The following EVL variants were observed in gnomAD, a reference collection of about 807,000 sequenced individuals.
EVL encodes Enah/Vasp-like.
A neutral mutation model predicts 59.6 loss-of-function variants in EVL; 21 were observed. The observed-to-expected ratio is 0.35, with a 90% CI of 0.25 to 0.51. The LOEUF is 0.51. EVL is among the 20% of genes least tolerant of loss of function. The probability of loss-of-function intolerance (pLI) is 0.97; values close to 1 mark genes in which losing one functional copy is unlikely to be tolerated. For synonymous variants in EVL, 198 were observed against 203.5 expected, an observed-to-expected ratio of 0.97 and a Z score of 0.23; for missense variants, 462 against 546.6, an observed-to-expected ratio of 0.85 and a Z score of 1.54.
intron 1 of EVL, among the ~76,000 whole-genome samples, chr14:100,028,134 G>GTTTGTT (rs1406304631): frequency 4.2e-5 from 5 of 118,724 alleles, no homozygotes; most frequent in Admixed American, 8.3e-5. Context: ...TTGTTTGTTT[G>GTTTGTT]TTTTTTTTTT....
At chr14:100,123,208 G>C (rs1887809139) in intron 3 of EVL, among the ~76,000 whole-genome samples, 1 of 152,234 alleles carries the variant, frequency 6.6e-6, no homozygotes, top group Non-Finnish European at 1.5e-5. Context: ...GGTTGAGGGG[G>C]TGGTGGCCAG....
At chr14:100,123,688 C>T in intron 4 of EVL, 86 bp downstream of exon 4, 1 of 1,413,326 alleles carries the variant, frequency 7.1e-7, no homozygotes, top group Non-Finnish European at 9.9e-7. Flanking sequence ...GAGGATGCAC[C>T]AGCAGCCAAG....
Position 100,108,257 on chromosome 14 carries a change from T to TG in EVL, c.358+10600dup, listed in dbSNP as rs1381893903. Among the ~76,000 whole-genome samples the TG allele has an allele frequency of 2.0e-5, 3 of 152,066 alleles. No homozygotes were observed. The highest frequency in any genetic ancestry group is 7.2e-5 in the African/African-American group (3 of 41,398). On this transcript the variant is annotated intron_variant, in intron 3 of 13. Transcript: ENST00000392920. The surrounding 1 kb of genome is among the most constrained non-coding windows in gnomAD (Gnocchi z 4.1). ...TGCTCTTTGGAGGGGAGTGGAAGGTTGTTAAACCTCATAGCTCTTGGAGGT... is the reference window on the plus strand; with the variant it reads ...TGCTCTTTGGAGGGGAGTGGAAGGTTGGTTAAACCTCATAGCTCTTGGAGGT...
intron 1 of EVL, among the ~76,000 whole-genome samples, chr14:100,059,025 G>C (rs1248078158): frequency 6.6e-6 from 1 of 152,156 alleles, no homozygotes; most frequent in East Asian, 1.9e-4. Context: ...TCTTAGGCTA[G>C]CATCTTCAGA....
Position 100,127,696 on chromosome 14 carries a change from G to A in EVL, c.488-823G>A, listed in dbSNP as rs951953386. Among the ~76,000 whole-genome samples, 3 of 152,164 alleles carry A rather than the reference G, an allele frequency of 2.0e-5. No individual in the cohort carries two copies. The highest frequency in any genetic ancestry group is 4.8e-5 in the African/African-American group (2 of 41,510). On this transcript the variant is annotated intron_variant, in intron 5 of 13. Coordinates refer to ENST00000392920, the MANE Select transcript of EVL (RefSeq NM_016337.3). The surrounding 1 kb of genome is among the most constrained non-coding windows in gnomAD (Gnocchi z 4.2). Reference sequence around the variant, plus strand: ...CTAACTGAACCCCTGCTCTCCGGTCGTGTCCCAGCTCCACAGTCACTTCCG... The same window carrying A: ...CTAACTGAACCCCTGCTCTCCGGTCATGTCCCAGCTCCACAGTCACTTCCG...
At chr14:100,124,490 C>T (rs911177409) in intron 4 of EVL, among the ~76,000 whole-genome samples, 1 of 152,218 alleles carries the variant, frequency 6.6e-6, no homozygotes, top group Non-Finnish European at 1.5e-5. Context: ...ATGGTGTTGG[C>T]TTTGCTCCCC....
chr14:100,060,430 CAA>C (rs58767352), upstream of EVL, among the ~76,000 whole-genome samples: 3 of 63,610 alleles, frequency 4.7e-5, no homozygotes, highest in South Asian at 5.4e-4. Context: ...GACTCCGTCT[CAA>C]AAAAAAAAAA....
At chr14:99,990,707 CTATATA>C (rs199591511) in intron 1 of EVL, among the ~76,000 whole-genome samples, 2 of 151,768 alleles carry the variant, frequency 1.3e-5, no homozygotes, top group East Asian at 1.9e-4. Context: ...ATATTATACT[CTATATA>C]TATATAGAGA....
intron 1 of EVL, among the ~76,000 whole-genome samples, chr14:99,979,302 C>G (rs985422559): frequency 1.6e-4 from 25 of 151,804 alleles, no homozygotes; most frequent in African/African-American, 5.8e-4. Context: ...CTTATATATT[C>G]GAGTCATTTA....
chr14:100,107,005 C>T, intron 3 of EVL: 2 of 398,718 alleles, frequency 5.0e-6, no homozygotes, highest in South Asian at 2.5e-4. Context: ...AGCCGGGCTA[C>T]GTTGGGTCTG....
intron 8 of EVL, 86 bp downstream of exon 8, chr14:100,132,865 T>C (rs1350624168): frequency 1.4e-6 from 2 of 1,469,952 alleles, no homozygotes; most frequent in African/African-American, 1.4e-5. Flanking sequence ...GGCGAGGCCT[T>C]TGGGACATGC....
intron 6 of EVL, among the ~76,000 whole-genome samples, chr14:100,129,122 G>A (rs1888269796): frequency 6.6e-6 from 1 of 152,232 alleles, no homozygotes. Context: ...ACTGTAGGAA[G>A]CTGTATGCTG....
intron 1 of EVL, among the ~76,000 whole-genome samples, chr14:100,000,805 T>C (rs2060941768): frequency 6.6e-6 from 1 of 152,174 alleles, no homozygotes; most frequent in South Asian, 2.1e-4. Flanking sequence ...CCAAGATTTA[T>C]TTTTCTTTCA....
At chr14:100,143,551 A>G (rs11621814) in intron 13 of EVL, 150 bp from the exon 14 acceptor site, 278,717 of 877,566 alleles carry the variant, frequency 0.32, 48,817 homozygotes, top group East Asian at 0.67. Context: ...TCATCACCCC[A>G]GAGGTCTATG....
At chr14:100,009,977 TTTA>T (rs2061006078) in intron 1 of EVL, among the ~76,000 whole-genome samples, 1 of 152,126 alleles carries the variant, frequency 6.6e-6, no homozygotes, top group Non-Finnish European at 1.5e-5. Flanking sequence ...GAGACCAAGT[TTTA>T]TTGTGCAGAG....
rs146591340 is a variant in EVL at position 100,038,684 on chromosome 14, C to T, written c.6-46003C>T. 4.5e-4 allele frequency among the ~76,000 whole-genome samples: 68 copies of T among 152,192 alleles called. 1 individual carries two copies. Among genetic ancestry groups the T allele is most frequent in the African/African-American group, 1.5e-3 (63 of 41,542 alleles). The stretch of plus-strand genomic sequence containing the variant: ...ATGCTAGAACTTCACTGATATCCCT[C>T]AACTCTTGGCAGAGGCCACAGCTTG... On this transcript the variant is annotated intron_variant, in intron 1 of 13. Transcript: ENST00000402714.
chr14:100,127,277 G>A lies in EVL; in HGVS notation c.487+506G>A, dbSNP rs1888135322. ...TTAGCACGTTAAAGGAGAAGGACGA[G>A]GGTTTTCCAGAAATTGTCATGTTCA... On this transcript the variant is annotated intron_variant, in intron 5 of 13. Transcript: ENST00000392920. This position sits in a 1 kb window ranked among gnomAD's most constrained non-coding sequence, Gnocchi z 4.2. 6.6e-6 allele frequency among the ~76,000 whole-genome samples: 1 copy of A among 152,210 alleles called. No homozygotes were observed. Among genetic ancestry groups the A allele is most frequent in the Non-Finnish European group, 1.5e-5 (1 of 68,042 alleles).
intron 1 of EVL, among the ~76,000 whole-genome samples, chr14:99,993,542 A>G (rs1337954600): frequency 6.6e-6 from 1 of 152,026 alleles, no homozygotes; most frequent in Non-Finnish European, 1.5e-5. Context: ...AATTCTTCGG[A>G]AGAGTTTGAG....
intron 3 of EVL, among the ~76,000 whole-genome samples, chr14:100,119,284 G>C (rs541227751): frequency 6.6e-6 from 1 of 152,296 alleles, no homozygotes; most frequent in East Asian, 1.9e-4. Flanking sequence ...ATTTGTCTGA[G>C]ATGAATGAGA....
Sources: gnomAD v4.1 joint callset for allele counts (sites outside exome capture counted in the v4.1 genomes callset) on GRCh38, gnomAD v4.1.1 for gene constraint, Gnocchi (gnomAD v3.1) non-coding constraint, MANE v1.5 for transcripts, NCBI Gene and HGNC (gene_info 2026-07-23, HGNC 2026-07-21) for gene names.